Variants in PPIP5K2 observed in about 807,000 individuals in gnomAD.
PPIP5K2 encodes the protein inositol hexakisphosphate and diphosphoinositol-pentakisphosphate kinase 2.
PPIP5K2 carries 105 observed loss-of-function variants against 154.6 expected under a neutral mutation model. That is an observed-to-expected ratio of 0.68 (90% CI 0.58 to 0.80). PPIP5K2 has a LOEUF of 0.80. Among genes scored for constraint, PPIP5K2 ranks in the 30% least tolerant of loss-of-function variants. The probability of loss-of-function intolerance (pLI) is 0.00; values close to 1 mark genes in which losing one functional copy is unlikely to be tolerated. For missense variants in PPIP5K2, 992 were observed against 1,504.6 expected (o/e 0.66, Z 5.64); for synonymous variants, 480 against 490.3 (o/e 0.98, Z 0.28).
Position 103,129,539 on chromosome 5 carries a change from G to T in PPIP5K2, c.-51G>T. On this transcript the variant is annotated 5_prime_UTR_variant, in exon 2 of 31. Transcript: ENST00000358359. Reference sequence around the variant, plus strand: ...TTCTTCTGATACTATTTACTTAGAGGCAGTTTTAATATAAATCATTTCAAT... The same window carrying T: ...TTCTTCTGATACTATTTACTTAGAGTCAGTTTTAATATAAATCATTTCAAT... 2 of 1,420,688 alleles carry T rather than the reference G, an allele frequency of 1.4e-6. No individual in the cohort carries two copies. The highest frequency in any genetic ancestry group is 1.9e-6 in the Non-Finnish European group (2 of 1,064,294). 88.0% of individuals were successfully genotyped at this position (1,420,688 alleles called of 1,614,324 possible). A position where few individuals can be genotyped will look rare whatever the true frequency, so the allele number is the denominator to read the frequency against.
At chr5:103,151,960 A>G (rs554567110) in intron 9 of PPIP5K2, among the ~76,000 whole-genome samples, 4 of 152,158 alleles carry the variant, frequency 2.6e-5, no homozygotes, top group East Asian at 3.9e-4. Flanking sequence ...CCAGGTATAT[A>G]TGACAAATCC....
At position 103,129,550 on chromosome 5, in the gene PPIP5K2, A is replaced by G. The variant is rs782069426; in HGVS notation, c.-40A>G. On this transcript the variant is annotated 5_prime_UTR_variant, in exon 2 of 31. In the 5' UTR this introduces an upstream ATG that the reference lacks. Transcript: ENST00000358359. Reference sequence around the variant, plus strand: ...CTATTTACTTAGAGGCAGTTTTAATATAAATCATTTCAATTATATCTACAT... The same window carrying G: ...CTATTTACTTAGAGGCAGTTTTAATGTAAATCATTTCAATTATATCTACAT... 4.7e-6 allele frequency: 7 copies of G among 1,492,870 alleles called. No individual in the cohort carries two copies. The Admixed American group carries it at 1.1e-4, about 24-fold the overall frequency. 92.5% of individuals were successfully genotyped at this position (1,492,870 alleles called of 1,614,324 possible). A position where few individuals can be genotyped will look rare whatever the true frequency, so the allele number is the denominator to read the frequency against.
intron 2 of PPIP5K2, among the ~76,000 whole-genome samples, chr5:103,131,919 T>C (rs1468387675): frequency 6.6e-6 from 1 of 152,192 alleles, no homozygotes; most frequent in Middle Eastern, 3.2e-3. Context: ...AGTGAGCAGA[T>C]ATTCATTAAA....
intron 5 of PPIP5K2, among the ~76,000 whole-genome samples, chr5:103,143,600 G>A (rs1490389442): frequency 6.6e-6 from 1 of 152,198 alleles, no homozygotes; most frequent in Non-Finnish European, 1.5e-5. Flanking sequence ...GTAATAACGT[G>A]AATGCAAATG....
rs1158135386 is a variant in PPIP5K2, at chr5:103,203,538, A to T, written c.*1904A>T. 1.3e-5 allele frequency: 2 copies of T among 152,216 alleles called. No individual in the cohort carries two copies. Among genetic ancestry groups the T allele is most frequent in the Non-Finnish European group, 2.9e-5 (2 of 68,038 alleles). The allele number at this position is 152,216 out of a possible 1,614,324, so 9.4% of individuals were successfully genotyped here. A position where few individuals can be genotyped will look rare whatever the true frequency, so the allele number is the denominator to read the frequency against. On this transcript the variant is annotated 3_prime_UTR_variant, in exon 31 of 31. Transcript: ENST00000358359. ...TGTATCAGAGCAAAATGTTATAGTT[A>T]TCACTGTTTAGTGGCAGTTTGACTG...
At chr5:103,148,261 A>T (rs749099464) in intron 7 of PPIP5K2, 1 of 527,752 alleles carries the variant, frequency 1.9e-6, no homozygotes, top group Admixed American at 3.0e-5. Flanking sequence ...TATGATGGAG[A>T]CAAATTTTAT....
chr5:103,167,233 C>G lies in PPIP5K2; in HGVS notation c.1975C>G (p.Pro659Ala). 1 of 1,590,988 alleles carries G rather than the reference C, an allele frequency of 6.3e-7. No homozygotes were observed. Among genetic ancestry groups the G allele is most frequent in the Non-Finnish European group, 8.6e-7 (1 of 1,167,372 alleles). The change falls in exon 18 of 31, where the codon CCT (proline) becomes GCT (alanine). Residue 659 changes from proline (P) to alanine (A), a missense_variant. By Grantham distance (27) the Pro-to-Ala change is conservative. Transcript: ENST00000358359. ...LIKSMHLIKN[P>A]VKTCDKVYSL... Reference sequence around the variant, plus strand: ...CAAATCAATGCATTTAATTAAAAACCCTGTGAAGACCTGTGATAAAGTTTA... The same window carrying G: ...CAAATCAATGCATTTAATTAAAAACGCTGTGAAGACCTGTGATAAAGTTTA...
chr5:103,126,196 A>G (rs1554200677), intron 1 of PPIP5K2, among the ~76,000 whole-genome samples: 13 of 152,156 alleles, frequency 8.5e-5, no homozygotes. Flanking sequence ...TCTAACATGT[A>G]TTTATTTGTT....
chr5:103,179,217 G>A (rs1799146964), intron 23 of PPIP5K2, among the ~76,000 whole-genome samples: 1 of 151,828 alleles, frequency 6.6e-6, no homozygotes, highest in African/African-American at 2.4e-5. Context: ...TTTATTCTCT[G>A]TAACCCTTAA....
At chr5:103,194,830 A>G (rs1801804923) in intron 29 of PPIP5K2, 70 bp from the exon 30 acceptor site, 3 of 1,502,140 alleles carry the variant, frequency 2.0e-6, no homozygotes, top group Admixed American at 2.0e-5. Flanking sequence ...ATTATAAGAA[A>G]CTTTCTATGA....
intron 17 of PPIP5K2, among the ~76,000 whole-genome samples, chr5:103,162,512 G>A (rs549383130): frequency 3.9e-4 from 59 of 151,878 alleles, no homozygotes; most frequent in African/African-American, 1.3e-3. Flanking sequence ...ACAGGTGCAC[G>A]CCACCATGCT....
chr5:103,168,211 C>G lies in PPIP5K2; in HGVS notation c.2202C>G (p.Val734=). The G allele has an allele frequency of 2.5e-6, 4 of 1,609,332 alleles. No individual in the cohort carries two copies. Among genetic ancestry groups the G allele is most frequent in the Non-Finnish European group, 3.4e-6 (4 of 1,176,546 alleles). The change falls in exon 19 of 31, where the codon GTC becomes GTG. Residue 734 remains valine, a synonymous_variant. Coordinates refer to ENST00000358359, the MANE Select transcript of PPIP5K2 (RefSeq NM_001276277.3). The part of the protein sequence containing the change: ...PDIYDCIKYD[V]QHNGSLKLEN... Reference sequence around the variant, plus strand: ...TATATGACTGTATAAAATATGATGTCCAGCATAATGGTTCCTTGAAATTAG... The same window carrying G: ...TATATGACTGTATAAAATATGATGTGCAGCATAATGGTTCCTTGAAATTAG...
intron 8 of PPIP5K2, among the ~76,000 whole-genome samples, chr5:103,150,010 A>G (rs1458114134): frequency 6.6e-6 from 1 of 152,064 alleles, no homozygotes; most frequent in African/African-American, 2.4e-5. Context: ...CATTTCTTGA[A>G]AAAAACTTTT....
intron 1 of PPIP5K2, among the ~76,000 whole-genome samples, chr5:103,122,045 G>A (rs1455295004): frequency 1.3e-5 from 2 of 152,184 alleles, no homozygotes; most frequent in East Asian, 3.8e-4. Context: ...GAGTTGAAGT[G>A]TGTTGATATC....
intron 1 of PPIP5K2, among the ~76,000 whole-genome samples, chr5:103,124,005 G>A (rs921561548): frequency 2.2e-4 from 34 of 152,136 alleles, no homozygotes; most frequent in African/African-American, 8.2e-4. Flanking sequence ...TCTTGGCCGG[G>A]CGCGGTGGCT....
chr5:103,179,539 C>T (rs1799196053), intron 23 of PPIP5K2, among the ~76,000 whole-genome samples: 1 of 151,938 alleles, frequency 6.6e-6, no homozygotes, highest in African/African-American at 2.4e-5. Context: ...TAATGAGTCA[C>T]TGAATGATTA....
intron 28 of PPIP5K2, chr5:103,189,281 G>A (rs782103336): frequency 2.6e-5 from 35 of 1,338,634 alleles, no homozygotes; most frequent in South Asian, 7.7e-5. Context: ...AAATTGCTGC[G>A]CTAACCCTTT....
At chr5:103,160,617 A>G (rs1028407604) in intron 17 of PPIP5K2, among the ~76,000 whole-genome samples, 1 of 152,140 alleles carries the variant, frequency 6.6e-6, no homozygotes, top group Non-Finnish European at 1.5e-5. Context: ...TCTGTTGCAT[A>G]TTGTTTTTGT....
chr5:103,175,896 A>G (rs1400255936), intron 21 of PPIP5K2, among the ~76,000 whole-genome samples: 1 of 152,036 alleles, frequency 6.6e-6, no homozygotes, highest in African/African-American at 2.4e-5. Flanking sequence ...AATTACATGT[A>G]TTTACTAAGA....
Sources: allele counts gnomAD v4.1 joint callset (sites outside exome capture counted in the v4.1 genomes callset), GRCh38; gene constraint gnomAD v4.1.1; transcripts MANE v1.5; gene names NCBI Gene and HGNC (gene_info 2026-07-23, HGNC 2026-07-21).